Variants in WWC2 observed in about 807,000 individuals in gnomAD.
WWC2 encodes protein WWC2.
WWC2 carries 101 observed loss-of-function variants against 138.5 expected under a neutral mutation model. The ratio of observed to expected loss-of-function variants is 0.73; its 90% CI spans 0.62 to 0.86. The LOEUF is 0.86. Ranked by LOEUF, WWC2 falls within the 40% of genes least tolerant of loss-of-function variation. The pLI, the probability that WWC2 is intolerant of heterozygous loss-of-function variation, is 0.00. For synonymous variants in WWC2, 558 were observed against 538.4 expected (o/e 1.04, Z -0.50); for missense variants, 1,420 against 1,419.4 (o/e 1.00, Z -0.01).
At chr4:183,235,198 T>G (rs1205813108) in intron 4 of WWC2, among the ~76,000 whole-genome samples, 1 of 152,136 alleles carries the variant, frequency 6.6e-6, no homozygotes, top group African/African-American at 2.4e-5. Flanking sequence ...CAACTTTAGG[T>G]AAACTAAATA....
At chr4:183,188,001 T>G (rs568290036) in intron 1 of WWC2, among the ~76,000 whole-genome samples, 172 of 152,308 alleles carry the variant, frequency 1.1e-3, no homozygotes, top group African/African-American at 3.8e-3. Flanking sequence ...AATAGACAAC[T>G]AATAAAATTA....
chr4:183,171,995 C>T (rs1172710331), intron 1 of WWC2, among the ~76,000 whole-genome samples: 1 of 152,122 alleles, frequency 6.6e-6, no homozygotes, highest in Non-Finnish European at 1.5e-5. Flanking sequence ...TCATGGATGA[C>T]CTATCTGGTG....
chr4:183,314,591 A>G (rs1029967268), intron 22 of WWC2, among the ~76,000 whole-genome samples: 15 of 152,198 alleles, frequency 9.9e-5, no homozygotes, highest in Admixed American at 2.6e-4. Context: ...TGGAATCAGG[A>G]GCCCGATGGT....
rs758808061 is a variant in WWC2, at chr4:183,237,466, C to T, written c.523-2717C>T. On this transcript the variant is annotated intron_variant, in intron 4 of 22. Transcript: ENST00000403733. ...ACTGAAATGTTTTTGTGATATACTG[C>T]GAATGAGCTCATTGCTCTTAATTCA... 5.3e-5 allele frequency among the ~76,000 whole-genome samples: 8 copies of T among 152,138 alleles called. No individual in the cohort carries two copies. The South Asian group carries it at 1.7e-3, about 32-fold the overall frequency.
chr4:183,129,217 T>C (rs1257490085), intron 1 of WWC2, among the ~76,000 whole-genome samples: 4 of 152,206 alleles, frequency 2.6e-5, no homozygotes, highest in African/African-American at 9.6e-5. Context: ...CTGGAAATTA[T>C]GTCACAGGAG....
chr4:183,231,955 G>A (rs1255005038), intron 4 of WWC2, among the ~76,000 whole-genome samples: 1 of 152,182 alleles, frequency 6.6e-6, no homozygotes, highest in Non-Finnish European at 1.5e-5. Flanking sequence ...TTTGACACAG[G>A]AGAAGGTGTG....
Position 183,289,597 on chromosome 4 carries a change from G to T in WWC2, c.3346G>T (p.Glu1116Ter). 1.9e-6 allele frequency: 3 copies of T among 1,613,926 alleles called. No individual in the cohort carries two copies. The highest frequency in any genetic ancestry group is 2.5e-6 in the Non-Finnish European group (3 of 1,179,878). The change falls in exon 21 of 23, where the codon GAG becomes TAG. Residue 1116 changes from glutamate to a stop codon, truncating the protein, a stop_gained. Transcript: ENST00000403733. LOFTEE classifies it high-confidence loss of function. ...TDLPPGVLED[E>*]RFQRLLKQAE... ...CCTTCCACCAGGCGTGCTGGAGGATGAGAGGTTCCAGAGGCTTCTGAAGCA... is the reference window on the plus strand; with the variant it reads ...CCTTCCACCAGGCGTGCTGGAGGATTAGAGGTTCCAGAGGCTTCTGAAGCA...
chr4:183,195,862 G>A (rs1417791858), intron 2 of WWC2, among the ~76,000 whole-genome samples: 4 of 152,060 alleles, frequency 2.6e-5, no homozygotes, highest in Admixed American at 2.6e-4. Flanking sequence ...GAGACCCCAC[G>A]ATGTAGTTTG....
At chr4:183,161,378 T>C (rs979846388) in intron 1 of WWC2, among the ~76,000 whole-genome samples, 5 of 152,216 alleles carry the variant, frequency 3.3e-5, no homozygotes, top group Admixed American at 3.3e-4. Flanking sequence ...AAGTAGAGAT[T>C]ATGCATTTCT....
intron 1 of WWC2, among the ~76,000 whole-genome samples, chr4:183,137,899 G>T (rs1733173441): frequency 1.3e-5 from 2 of 152,092 alleles, no homozygotes; most frequent in African/African-American, 4.8e-5. Context: ...TTTGATTCTT[G>T]TTCTTGATAC....
intron 2 of WWC2, among the ~76,000 whole-genome samples, chr4:183,194,192 C>G (rs1735068558): frequency 6.6e-6 from 1 of 152,170 alleles, no homozygotes; most frequent in African/African-American, 2.4e-5. Flanking sequence ...TTCCTTTTTT[C>G]TGTTTCCTGA....
chr4:183,249,529 C>G (rs1580108345), intron 7 of WWC2, among the ~76,000 whole-genome samples: 1 of 152,158 alleles, frequency 6.6e-6, no homozygotes, highest in East Asian at 1.9e-4. Flanking sequence ...ATATTTTGTA[C>G]AGTTGAAAGC....
intron 9 of WWC2, among the ~76,000 whole-genome samples, chr4:183,258,879 C>T (rs1737234316): frequency 6.6e-6 from 1 of 152,172 alleles, no homozygotes; most frequent in African/African-American, 2.4e-5. Context: ...TATACTTGCA[C>T]AGACTCTTAG....
At position 183,311,700 on chromosome 4, in the gene WWC2, C is replaced by T. The variant is rs372656135; in HGVS notation, c.3385-641C>T. On this transcript the variant is annotated intron_variant, in intron 21 of 22. Transcript: ENST00000403733. ...GTTCAAGCCATTCTGCCTCAGCTTCCTGAGTAGCTGGGACTACAGGTGCCC... is the reference window on the plus strand; with the variant it reads ...GTTCAAGCCATTCTGCCTCAGCTTCTTGAGTAGCTGGGACTACAGGTGCCC... 1.8e-4 allele frequency among the ~76,000 whole-genome samples: 28 copies of T among 151,482 alleles called. 2 individuals are homozygous for T. The highest frequency in any genetic ancestry group is 1.4e-3 in the Admixed American group (22 of 15,196).
intron 4 of WWC2, among the ~76,000 whole-genome samples, chr4:183,213,171 A>G (rs1447979614): frequency 6.6e-6 from 1 of 152,154 alleles, no homozygotes; most frequent in Admixed American, 6.5e-5. Context: ...TGATGTTTTG[A>G]GCTGTGTTTG....
At chr4:183,313,365 T>C (rs1739328537) in intron 22 of WWC2, among the ~76,000 whole-genome samples, 1 of 151,860 alleles carries the variant, frequency 6.6e-6, no homozygotes, top group African/African-American at 2.4e-5. Context: ...AGAGGCATTG[T>C]GGAGAGTGGG....
chr4:183,113,520 G>GCA (rs1487589291), intron 1 of WWC2, among the ~76,000 whole-genome samples: 1 of 147,146 alleles, frequency 6.8e-6, no homozygotes. Context: ...GTGTGTGCGC[G>GCA]CGCGTGCGCG....
intron 1 of WWC2, among the ~76,000 whole-genome samples, chr4:183,115,933 G>A (rs1315657054): frequency 5.3e-5 from 8 of 152,082 alleles, no homozygotes; most frequent in African/African-American, 1.7e-4. Context: ...GTCCAGAATG[G>A]TATTTCCTAG....
chr4:183,132,748 C>T (rs563986592), intron 1 of WWC2, among the ~76,000 whole-genome samples: 7 of 152,118 alleles, frequency 4.6e-5, no homozygotes, highest in Admixed American at 6.5e-5. Flanking sequence ...CCACCGCGCC[C>T]GGCCGATTTT....
Sources: gnomAD v4.1 joint callset for allele counts (sites outside exome capture counted in the v4.1 genomes callset) on GRCh38, gnomAD v4.1.1 for gene constraint, MANE v1.5 for transcripts, NCBI Gene and HGNC (gene_info 2026-07-23, HGNC 2026-07-21) for gene names.